The following PANK4 variants were observed in gnomAD, a reference collection of about 807,000 sequenced individuals.
PANK4 encodes the protein pantothenate kinase 4 (inactive).
Under a neutral mutation model 87.9 loss-of-function variants are expected in PANK4, and 40 were observed. The ratio of observed to expected loss-of-function variants is 0.46; its 90% CI spans 0.35 to 0.59. PANK4 has a LOEUF of 0.59. Among genes scored for constraint, PANK4 ranks in the 20% least tolerant of loss-of-function variants. The pLI is 0.00. For missense variants in PANK4, 926 were observed against 1,072.3 expected (o/e 0.86, Z 1.90); for synonymous variants, 524 against 467.4 (o/e 1.12, Z -1.56).
chr1:2,511,245 C>A (rs1643655613), intron 15 of PANK4, 93 bp downstream of exon 15: 1 of 841,998 alleles, frequency 1.2e-6, no homozygotes, highest in Non-Finnish European at 2.0e-6. Flanking sequence ...GGGAGGGCCA[C>A]CCGAGGCAGC....
At chr1:2,513,358 G>A (rs1014567566) in intron 12 of PANK4, among the ~76,000 whole-genome samples, 4 of 152,240 alleles carry the variant, frequency 2.6e-5, no homozygotes, top group South Asian at 2.1e-4. Flanking sequence ...CCAGACTTCC[G>A]CTGTCACAAG....
At position 2,514,337 on chromosome 1, in the gene PANK4, G is replaced by C. The variant is rs777223580; in HGVS notation, c.1487+17C>G. Reference sequence around the variant, plus strand: ...GGATGGAAGAGGTGGCCACACACCGGGGTGCTGGGCACTTACAAGGGCTGC... The same window carrying C: ...GGATGGAAGAGGTGGCCACACACCGCGGTGCTGGGCACTTACAAGGGCTGC... On this transcript the variant is annotated intron_variant, in intron 11 of 18. Transcript: ENST00000378466. The C allele has an allele frequency of 6.4e-7, 1 of 1,568,386 alleles. No individual in the cohort carries two copies. The highest frequency in any genetic ancestry group is 8.8e-7 in the Non-Finnish European group (1 of 1,139,942).
chr1:2,512,782 C>A, intron 13 of PANK4, 106 bp downstream of exon 13: 1 of 1,139,906 alleles, frequency 8.8e-7, no homozygotes, highest in South Asian at 1.3e-5. Flanking sequence ...AGCCACCAAG[C>A]GCCACGTGAC....
Position 2,518,156 on chromosome 1 carries a change from C to T in PANK4, c.1218+8G>A. ...TGGGGCCCGGGGCGGCCAGAGCCCACTACTCACAGTGCCACTCCGCGCCCG... is the reference window on the plus strand; with the variant it reads ...TGGGGCCCGGGGCGGCCAGAGCCCATTACTCACAGTGCCACTCCGCGCCCG... On this transcript the variant is annotated splice_region_variant and intron_variant, in intron 9 of 18. Coordinates refer to ENST00000378466, the MANE Select transcript of PANK4 (RefSeq NM_018216.4). The T allele has an allele frequency of 6.3e-7, 1 of 1,586,598 alleles. No homozygotes were observed. The highest frequency in any genetic ancestry group is 8.6e-7 in the Non-Finnish European group (1 of 1,166,142).
rs1423078308 is a variant in PANK4 at position 2,510,114 on chromosome 1, G to T, written c.1982C>A (p.Thr661Asn). The change falls in exon 17 of 19, where the codon ACC becomes AAC. Residue 661 changes from threonine to asparagine, a missense_variant. Thr to Asn is a moderately conservative substitution (Grantham distance 65, BLOSUM62 0). Transcript: ENST00000378466. The surrounding 1 kb of genome is among the most constrained non-coding windows in gnomAD (Gnocchi z 4.9). ...TGCCACGATGAGGGACTCGCTGTGG[G>T]TCACGTCGTTCAGGGCGGGGCCTGA... ...CNSGPALNDVTHSESLIVAER... is the reference protein window; with the variant it reads ...CNSGPALNDVNHSESLIVAER... 1 of 1,610,728 alleles carries T rather than the reference G, an allele frequency of 6.2e-7. No homozygotes were observed. The highest frequency in any genetic ancestry group is 1.3e-5 in the African/African-American group (1 of 74,868).
chr1:2,509,006 C>T lies in PANK4; in HGVS notation c.2163G>A (p.Val721=). Residue 721 remains valine (V), a synonymous_variant, in exon 19 of 19, where the codon GTG becomes GTA. Transcript: ENST00000378466. The surrounding 1 kb of genome is among the most constrained non-coding windows in gnomAD (Gnocchi z 4.9). ...ALVRERGADL[V]VIEGMGRAVH... is the part of the protein sequence containing the mutation. ...CAGCACGGCCCATGCCCTCGATGAC[C>T]ACCAGATCCGCGCCACGCTCCCGCA... 6.2e-7 allele frequency: 1 copy of T among 1,606,560 alleles called. No individual in the cohort carries two copies. Among genetic ancestry groups the T allele is most frequent in the South Asian group, 1.1e-5 (1 of 90,792 alleles).
In PANK4 at chr1:2,510,493, CA is replaced by C; in HGVS notation, c.1938+184del. ...AGCACATGGACCCTCAGCCTGAGCC[CA>C]GGGGGCTCGGAGCCTCCACCCCAGC... On this transcript the variant is annotated intron_variant, in intron 16 of 18. Transcript: ENST00000378466. This position sits in a 1 kb window ranked among gnomAD's most constrained non-coding sequence, Gnocchi z 4.9. 1.6e-6 allele frequency: 1 copy of C among 614,870 alleles called. No homozygotes were observed. 38.1% of individuals were successfully genotyped at this position (614,870 alleles called of 1,614,324 possible). A position where few individuals can be genotyped will look rare whatever the true frequency, so the allele number is the denominator to read the frequency against.
intron 1 of PANK4, among the ~76,000 whole-genome samples, chr1:2,523,403 CG>C (rs1455957152): frequency 6.6e-6 from 1 of 152,174 alleles, no homozygotes; most frequent in Non-Finnish European, 1.5e-5. Context: ...ACCATGCCGC[CG>C]ACTCACCTCA....
Position 2,519,855 on chromosome 1 carries a change from G to A in PANK4, c.799C>T (p.Leu267=). The part of the protein sequence containing the change: ...VYGGAHQTLG[L]SGNLIASSFG... ...CTGCTGGCGATGAGGTTCCCGCTCA[G>A]CCCGAGAGTCTGGTGGGCGCCGCCG... Residue 267 remains leucine (L), a synonymous_variant, in exon 6 of 19, where the codon CTG becomes TTG. Coordinates refer to ENST00000378466, the MANE Select transcript of PANK4 (RefSeq NM_018216.4). This position sits in a 1 kb window ranked among gnomAD's most constrained non-coding sequence, Gnocchi z 8.3. 2 of 1,574,240 alleles carry A rather than the reference G, an allele frequency of 1.3e-6. No homozygotes were observed. Among genetic ancestry groups the A allele is most frequent in the Non-Finnish European group, 1.7e-6 (2 of 1,160,504 alleles).
At position 2,521,744 on chromosome 1, in the gene PANK4, C is replaced by A; in HGVS notation, c.181G>T (p.Val61Leu). 3 of 1,614,016 alleles carry A rather than the reference C, an allele frequency of 1.9e-6. No individual in the cohort carries two copies. Among genetic ancestry groups the A allele is most frequent in the African/African-American group, 1.3e-5 (1 of 75,064 alleles). Residue 61 changes from valine (V) to leucine (L), a missense_variant, in exon 2 of 19, where the codon GTG (valine) becomes TTG (leucine). Transcript: ENST00000378466. ...TTTCCGGAGTGGTCGAAAGACCGCA[C>A]CTTGGCGACTTTGTGCTGTACCGTT... ...YSTVQHKVAK[V>L]RSFDHSGKDT...
At chr1:2,518,671 T>C in intron 7 of PANK4, 74 bp from the exon 8 acceptor site, 1 of 1,269,790 alleles carries the variant, frequency 7.9e-7, no homozygotes, top group Non-Finnish European at 1.1e-6. Flanking sequence ...CAGCTCAACG[T>C]GCGCGGGCCT....
At chr1:2,525,639 T>G (rs1367529158) in intron 1 of PANK4, 2 of 151,804 alleles carry the variant, frequency 1.3e-5, no homozygotes, top group Non-Finnish European at 2.9e-5. Context: ...GAAAAGGGAG[T>G]AATTCGCGTT....
Position 2,512,995 on chromosome 1 carries a change from C to T in PANK4, c.1620G>A (p.Gly540=), listed in dbSNP as rs560122217. The part of the protein sequence containing the change: ...ENGVALRCFP[G]VVRSLDALGW... ...CCAGCGCGTCCAGGGAGCGCACGAC[C>T]CCGGGGAAGCACCTCAGCGCCACGC... The change falls in exon 13 of 19, where the codon GGG becomes GGA. Residue 540 remains glycine, a synonymous_variant. Coordinates refer to ENST00000378466, the MANE Select transcript of PANK4 (RefSeq NM_018216.4). 6.2e-7 allele frequency: 1 copy of T among 1,611,088 alleles called. No individual in the cohort carries two copies. Among genetic ancestry groups the T allele is most frequent in the Admixed American group, 1.7e-5 (1 of 59,936 alleles).
chr1:2,513,947 G>GT lies in PANK4; in HGVS notation c.1575+54dup, dbSNP rs771245975. 261 of 1,290,570 alleles carry GT rather than the reference G, an allele frequency of 2.0e-4. 1 individual carries two copies. Among genetic ancestry groups the GT allele is most frequent in the Admixed American group, 3.5e-4 (21 of 59,622 alleles). The allele number at this position is 1,290,570 out of a possible 1,614,324, so 79.9% of individuals were successfully genotyped here. A position where few individuals can be genotyped will look rare whatever the true frequency, so the allele number is the denominator to read the frequency against. The stretch of plus-strand genomic sequence containing the variant: ...CAGCGGGACAGAGACAGGACACGCG[G>GT]TGCCAGCGGGACGGGGACAAGAGCG... On this transcript the variant is annotated intron_variant, in intron 12 of 18. Transcript: ENST00000378466.
In PANK4 at chr1:2,515,604, G is replaced by C. The variant is rs1239493994; in HGVS notation, c.1332C>G (p.Ala444=). The C allele has an allele frequency of 6.2e-7, 1 of 1,613,136 alleles. No homozygotes were observed. Among genetic ancestry groups the C allele is most frequent in the African/African-American group, 1.3e-5 (1 of 74,926 alleles). The change falls in exon 10 of 19, where the codon GCC becomes GCG. Residue 444 remains alanine, a synonymous_variant. Transcript: ENST00000378466. This position sits in a 1 kb window ranked among gnomAD's most constrained non-coding sequence, Gnocchi z 5.0. ...CAAAGCAGGTGAGCCAGTATTTTCG[G>C]GCCAGAGCGTCATCGGTGAGGTCCA... ...DTVDLTDDAL[A]RKYWLTCFEE...
Position 2,511,617 on chromosome 1 carries a change from G to A in PANK4, c.1783+11C>T, listed in dbSNP as rs1643663377. ...ACAAGGCAAGGCCCCAAGTTACTTGGCCATCCGTACCTTGTAACTTCCTCT... is the reference window on the plus strand; with the variant it reads ...ACAAGGCAAGGCCCCAAGTTACTTGACCATCCGTACCTTGTAACTTCCTCT... On this transcript the variant is annotated intron_variant, in intron 14 of 18. Coordinates refer to ENST00000378466, the MANE Select transcript of PANK4 (RefSeq NM_018216.4). The A allele has an allele frequency of 6.3e-7, 1 of 1,592,556 alleles. No individual in the cohort carries two copies. The highest frequency in any genetic ancestry group is 8.6e-7 in the Non-Finnish European group (1 of 1,160,872).
chr1:2,518,338 G>A (rs1643822325), intron 8 of PANK4, 74 bp from the exon 9 acceptor site: 2 of 1,134,530 alleles, frequency 1.8e-6, no homozygotes, highest in South Asian at 1.3e-5. Context: ...GAGGAGGAAA[G>A]GGTATAAAAT....
In PANK4 at chr1:2,511,703, A is replaced by C; in HGVS notation, c.1728-20T>G. 3 of 1,523,730 alleles carry C rather than the reference A, an allele frequency of 2.0e-6. No individual in the cohort carries two copies. The highest frequency in any genetic ancestry group is 1.4e-5 in the African/African-American group (1 of 73,274). 94.4% of individuals were successfully genotyped at this position (1,523,730 alleles called of 1,614,324 possible). A position where few individuals can be genotyped will look rare whatever the true frequency, so the allele number is the denominator to read the frequency against. On this transcript the variant is annotated intron_variant, in intron 13 of 18. Coordinates refer to ENST00000378466, the MANE Select transcript of PANK4 (RefSeq NM_018216.4). ...AGGACACTGCATGGAGGAGGAGAAA[A>C]GAAAATTAAGACAACAGAACAAAAA...
In PANK4 at chr1:2,519,874, G is replaced by A. The variant is rs372092205; in HGVS notation, c.780C>T (p.Gly260=). 29 of 1,567,870 alleles carry A rather than the reference G, an allele frequency of 1.8e-5. No homozygotes were observed. The highest frequency in any genetic ancestry group is 1.2e-4 in the African/African-American group (9 of 74,000). The change falls in exon 6 of 19, where the codon GGC becomes GGT. Residue 260 remains glycine, a synonymous_variant. Transcript: ENST00000378466. This position sits in a 1 kb window ranked among gnomAD's most constrained non-coding sequence, Gnocchi z 8.3. ...CGCTCAGCCCGAGAGTCTGGTGGGC[G>A]CCGCCGTAGACGTCCCGCACCAGCA... ...VDMLVRDVYG[G]AHQTLGLSGN...
Sources: allele counts gnomAD v4.1 joint callset (sites outside exome capture counted in the v4.1 genomes callset), GRCh38; gene constraint gnomAD v4.1.1; non-coding constraint Gnocchi (gnomAD v3.1); transcripts MANE v1.5; gene names NCBI Gene and HGNC (gene_info 2026-07-23, HGNC 2026-07-21).